The following SHROOM2 variants were observed in gnomAD, a reference collection of about 807,000 sequenced individuals.
SHROOM2 encodes the protein shroom family member 2.
Under a neutral mutation model 75.9 loss-of-function variants are expected in SHROOM2, and 33 were observed. The ratio of observed to expected loss-of-function variants is 0.43; its 90% confidence interval spans 0.33 to 0.58. The LOEUF (loss-of-function observed/expected upper bound fraction) is 0.58, where lower values mean the gene tolerates loss of function less well. Among genes scored for constraint, SHROOM2 ranks in the 20% least tolerant of loss-of-function variants. The probability of loss-of-function intolerance (pLI) is 0.04; values close to 1 mark genes in which losing one functional copy is unlikely to be tolerated. For missense variants in SHROOM2, 1,434 were observed against 1,461.2 expected (o/e 0.98, Z 0.30); for synonymous variants, 655 against 663.6 (o/e 0.99, Z 0.20).
intron 1 of SHROOM2, among the ~76,000 whole-genome samples, chrX:9,792,614 A>T (rs1434234180): frequency 5.4e-5 from 6 of 110,417 alleles, no homozygotes; most frequent in Non-Finnish European, 1.1e-4. Flanking sequence ...GGTGACTTTC[A>T]GATCAAAGGC....
In SHROOM2 at chrX:9,937,267, G is replaced by T; in HGVS notation, c.3721G>T (p.Gly1241Trp). ...CGCCGAGCCACCTGCCCTGCCCCACGGGCTGGAGAAAGACCAGATCAAGAC... is the reference window on the plus strand; with the variant it reads ...CGCCGAGCCACCTGCCCTGCCCCACTGGCTGGAGAAAGACCAGATCAAGAC... The part of the protein sequence containing the change: ...CPAEPPALPH[G>W]LEKDQIKTLS... Residue 1241 changes from glycine to tryptophan, a missense_variant, in exon 7 of 10, where the codon GGG (glycine) becomes TGG (tryptophan). Coordinates refer to ENST00000380913, the MANE Select transcript of SHROOM2 (RefSeq NM_001649.4). The T allele has an allele frequency of 1.7e-6, 2 of 1,210,579 alleles. No individual in the cohort carries two copies. The highest frequency in any genetic ancestry group is 2.2e-6 in the Non-Finnish European group (2 of 894,923).
chrX:9,883,615 ACTTC>A (rs772579141), intron 2 of SHROOM2, among the ~76,000 whole-genome samples: 1 of 109,506 alleles, frequency 9.1e-6, no homozygotes, highest in East Asian at 2.9e-4. Context: ...AGGAGCATGG[ACTTC>A]CTTTTGTGGA....
chrX:9,929,089 A>G (rs962242462), intron 5 of SHROOM2, among the ~76,000 whole-genome samples: 6 of 112,572 alleles, frequency 5.3e-5, no homozygotes, highest in African/African-American at 1.3e-4. Flanking sequence ...TGGACCACTC[A>G]CACACACAAC....
At chrX:9,945,023 C>A in intron 9 of SHROOM2, 110 bp downstream of exon 9, 1 of 773,240 alleles carries the variant, frequency 1.3e-6, no homozygotes, top group Non-Finnish European at 1.9e-6. Flanking sequence ...TTCCACATGG[C>A]CTGTCCACCT....
intron 6 of SHROOM2, among the ~76,000 whole-genome samples, chrX:9,934,574 G>A (rs758824627): frequency 4.0e-4 from 45 of 111,350 alleles, no homozygotes; most frequent in African/African-American, 1.5e-3. Context: ...CAGGAGAAAT[G>A]TGTGAGTTGA....
intron 1 of SHROOM2, among the ~76,000 whole-genome samples, chrX:9,845,359 T>C (rs1381034358): frequency 8.9e-6 from 1 of 111,837 alleles, no homozygotes; most frequent in Non-Finnish European, 1.9e-5. Flanking sequence ...TCGAGAGATT[T>C]AGACCCACCC....
chrX:9,889,544 C>T (rs1346286665), intron 2 of SHROOM2, among the ~76,000 whole-genome samples: 1 of 111,700 alleles, frequency 9.0e-6, no homozygotes, highest in Non-Finnish European at 1.9e-5. Flanking sequence ...CCCCTGGAGG[C>T]CCTATTGCAT....
rs767800942 is a variant in SHROOM2, at chrX:9,936,352, T to C, written c.3588-782T>C. ...GTCTCGAACTCCTGACCACAAGTGA[T>C]CCACCCGCCTCGGCCTTCCAAAGTG... On this transcript the variant is annotated intron_variant, in intron 6 of 9. Transcript: ENST00000380913. 5.8e-3 allele frequency among the ~76,000 whole-genome samples: 642 copies of C among 110,498 alleles called. 1 individual carries two copies. The highest frequency in any genetic ancestry group is 0.021 in the Admixed American group (219 of 10,366).
In SHROOM2 at chrX:9,932,319, G is replaced by A. The variant is rs140239325; in HGVS notation, c.3036G>A (p.Ala1012=). ...TGCCCCGGGAGGGCCGGGGCCGAGC[G>A]GGAACCCTACCTCGAGATTATAGAT... ...PELPREGRGR[A]GTLPRDYRYS... The change falls in exon 6 of 10, where the codon GCG becomes GCA. Residue 1012 remains alanine, a synonymous_variant. Coordinates refer to ENST00000380913, the MANE Select transcript of SHROOM2 (RefSeq NM_001649.4). 1.7e-5 allele frequency: 21 copies of A among 1,206,384 alleles called. No individual in the cohort carries two copies. In the African/African-American group the frequency reaches 1.9e-4, roughly 11 times the overall value.
At chrX:9,914,277 G>T (rs1278145150) in intron 5 of SHROOM2, among the ~76,000 whole-genome samples, 1 of 109,238 alleles carries the variant, frequency 9.2e-6, no homozygotes, top group Non-Finnish European at 1.9e-5. Context: ...AAATGACCCT[G>T]GTGAATGCAC....
intron 1 of SHROOM2, among the ~76,000 whole-genome samples, chrX:9,789,355 T>C (rs182234354): frequency 9.0e-6 from 1 of 111,412 alleles, no homozygotes; most frequent in African/African-American, 3.3e-5. Flanking sequence ...CGCTGACAGA[T>C]GGCGACAGGA....
intron 1 of SHROOM2, among the ~76,000 whole-genome samples, chrX:9,850,480 G>A (rs1360741956): frequency 1.8e-5 from 2 of 111,073 alleles, no homozygotes; most frequent in African/African-American, 3.3e-5. Context: ...TTGTACAGCG[G>A]GCCAGCATTG....
chrX:9,847,398 A>C (rs1302862952), intron 1 of SHROOM2, among the ~76,000 whole-genome samples: 2 of 112,396 alleles, frequency 1.8e-5, no homozygotes, highest in South Asian at 7.5e-4. Flanking sequence ...GGAAGGTAGG[A>C]CTTTTAGTGG....
At chrX:9,789,939 G>A (rs945561235) in intron 1 of SHROOM2, among the ~76,000 whole-genome samples, 1 of 101,694 alleles carries the variant, frequency 9.8e-6, no homozygotes, top group Non-Finnish European at 2.0e-5. Flanking sequence ...TGTTGTGTGC[G>A]ACAAGACTGC....
chrX:9,808,811 A>C (rs1334938395), intron 1 of SHROOM2, among the ~76,000 whole-genome samples: 1 of 110,668 alleles, frequency 9.0e-6, no homozygotes, highest in Non-Finnish European at 1.9e-5. Context: ...GCAGTGAGCC[A>C]AGTTCGCGCC....
At chrX:9,852,189 C>T (rs1017041714) in intron 1 of SHROOM2, among the ~76,000 whole-genome samples, 4 of 112,407 alleles carry the variant, frequency 3.6e-5, no homozygotes, top group Non-Finnish European at 7.5e-5. Flanking sequence ...AAGGTAGATG[C>T]GGTAATCAGA....
rs777216503 is a variant in SHROOM2, at chrX:9,946,510, G to T, written c.4585-161G>T. ...TGAGACACATGCCCCCAGGCCCTGG[G>T]CCCTGGGTTTGTCTGTGTGGACCCC... is the stretch of plus-strand genomic sequence containing the variant. On this transcript the variant is annotated intron_variant, in intron 9 of 9. Coordinates refer to ENST00000380913, the MANE Select transcript of SHROOM2 (RefSeq NM_001649.4). Among the ~76,000 whole-genome samples the T allele has an allele frequency of 4.4e-5, 5 of 112,386 alleles. No homozygotes were observed. In the South Asian group the frequency reaches 1.8e-3, roughly 41 times the overall value.
rs144092420 is a variant in SHROOM2 at position 9,895,403 on chromosome X, A to G, written c.1495A>G (p.Thr499Ala). The G allele has an allele frequency of 9.5e-5, 114 of 1,203,857 alleles. 1 individual carries two copies. The African/African-American group carries it at 1.7e-3, about 18-fold the overall frequency. Residue 499 changes from threonine to alanine, a missense_variant, in exon 4 of 10, where the codon ACA becomes GCA. Physicochemically the swap from Thr to Ala is moderately conservative, Grantham distance 58. Around this residue, in one of 3 missense-constraint regions of SHROOM2, gnomAD observed 1,340 missense variants for 1,338.3 expected, o/e 1.00. Coordinates refer to ENST00000380913, the MANE Select transcript of SHROOM2 (RefSeq NM_001649.4). ...CTGGGCGGGATGCTGGCCTTCTGAC[A>G]CAGCCCTTGGAGCCCTCGAGAGTCT... ...QLWAGCWPSD[T>A]ALGALESLPP...
chrX:9,849,238 G>A (rs1363954362), intron 1 of SHROOM2, among the ~76,000 whole-genome samples: 1 of 111,874 alleles, frequency 8.9e-6, no homozygotes, highest in East Asian at 2.8e-4. Flanking sequence ...AGGCTGGGAG[G>A]AGAGACAGCA....
Sources: gnomAD v4.1 joint callset for allele counts (sites outside exome capture counted in the v4.1 genomes callset) on GRCh38, gnomAD v4.1.1 for gene constraint, gnomAD v4.1.1 regional missense constraint, MANE v1.5 for transcripts, NCBI Gene and HGNC (gene_info 2026-07-23, HGNC 2026-07-21) for gene names.